PRICKLE2: variants seen among roughly 807,000 people sequenced by gnomAD.
The protein encoded by PRICKLE2 is prickle planar cell polarity protein 2.
PRICKLE2 carries 21 observed loss-of-function variants against 81.4 expected under a neutral mutation model. The observed-to-expected ratio is 0.26, with a 90% CI of 0.18 to 0.37. The LOEUF is 0.37. PRICKLE2 is among the 10% of genes least tolerant of loss of function. The probability of loss-of-function intolerance (pLI) is 1.00; values close to 1 mark genes in which losing one functional copy is unlikely to be tolerated. For missense variants in PRICKLE2, 940 were observed against 1,109.0 expected (o/e 0.85, Z 2.16); for synonymous variants, 456 against 421.5 (o/e 1.08, Z -1.00).
Position 64,093,888 on chromosome 3 carries a change from TG to T in PRICKLE2, c.*5162del. 1 of 152,670 alleles carries T rather than the reference TG, an allele frequency of 6.6e-6. No individual in the cohort carries two copies. Among genetic ancestry groups the T allele is most frequent in the Admixed American group, 6.5e-5 (1 of 15,312 alleles). The allele number at this position is 152,670 out of a possible 1,614,324, so 9.5% of individuals were successfully genotyped here. On this transcript the variant is annotated 3_prime_UTR_variant, in exon 8 of 8. Transcript: ENST00000638394. ...AACATTTCTTTTATTCAAATTTTAT[TG>T]GAAGTTTACAAATGTATTACAGACA...
At chr3:64,237,570 C>T (rs2079201022) in intron 2 of PRICKLE2, among the ~76,000 whole-genome samples, 2 of 152,162 alleles carry the variant, frequency 1.3e-5, no homozygotes, top group African/African-American at 4.8e-5. Context: ...CCCTGCTCCT[C>T]TGCCAGTGGA....
chr3:64,124,632 C>T (rs910042453), intron 7 of PRICKLE2, among the ~76,000 whole-genome samples: 2 of 152,188 alleles, frequency 1.3e-5, no homozygotes, highest in Admixed American at 6.5e-5. Flanking sequence ...AATAATAATG[C>T]TAAGTCCACT....
At chr3:64,241,040 G>C (rs1178963485) in intron 2 of PRICKLE2, among the ~76,000 whole-genome samples, 1 of 152,124 alleles carries the variant, frequency 6.6e-6, no homozygotes, top group Admixed American at 6.5e-5. Flanking sequence ...AGGACCAAGT[G>C]GTATATATGT....
At chr3:64,217,905 A>G (rs1450273713) in intron 1 of PRICKLE2, among the ~76,000 whole-genome samples, 1 of 152,224 alleles carries the variant, frequency 6.6e-6, no homozygotes, top group African/African-American at 2.4e-5. Flanking sequence ...TCAAACTCAG[A>G]TAATGTTCAC....
intron 2 of PRICKLE2, among the ~76,000 whole-genome samples, chr3:64,251,983 C>T (rs1196072743): frequency 6.6e-6 from 1 of 152,116 alleles, no homozygotes; most frequent in African/African-American, 2.4e-5. Context: ...TTGCCATTTG[C>T]ACATAGACAT....
At chr3:64,227,262 G>A (rs1277844845), upstream of PRICKLE2, among the ~76,000 whole-genome samples, 5 of 152,078 alleles carry the variant, frequency 3.3e-5, no homozygotes, top group South Asian at 4.2e-4. Context: ...AGCGTGTAGG[G>A]AGGCAGATGG....
At chr3:64,163,219 A>C in intron 2 of PRICKLE2, 90 bp from the exon 3 acceptor site, 1 of 830,564 alleles carries the variant, frequency 1.2e-6, no homozygotes, top group Non-Finnish European at 2.1e-6. Context: ...CCCCAGCAGG[A>C]TGTAACTGAC....
In PRICKLE2 at chr3:64,220,107, A is replaced by G. The variant is rs193164173; in HGVS notation, c.-41+4803T>C. On this transcript the variant is annotated intron_variant, in intron 1 of 7. Transcript: ENST00000638394. ...CTTCTATATTAACAGTTACCTTAAA[A>G]CCTTACCAGATTTTGTGACCATAGA... 9.9e-4 allele frequency among the ~76,000 whole-genome samples: 151 copies of G among 152,252 alleles called. 1 individual carries two copies. Among genetic ancestry groups the G allele is most frequent in the African/African-American group, 3.4e-3 (141 of 41,532 alleles).
chr3:64,113,023 C>T (rs1480254279), intron 7 of PRICKLE2, among the ~76,000 whole-genome samples: 3 of 152,142 alleles, frequency 2.0e-5, no homozygotes. Context: ...CACTTTTGAA[C>T]AACAACAGCT....
intron 2 of PRICKLE2, among the ~76,000 whole-genome samples, chr3:64,243,690 C>G (rs2079303512): frequency 1.3e-5 from 2 of 152,148 alleles, no homozygotes; most frequent in Non-Finnish European, 2.9e-5. Context: ...AGCAGAGTGC[C>G]TGACACATAG....
At chr3:64,161,129 T>C (rs1411124791) in intron 3 of PRICKLE2, among the ~76,000 whole-genome samples, 2 of 148,938 alleles carry the variant, frequency 1.3e-5, no homozygotes, top group Non-Finnish European at 3.0e-5. Flanking sequence ...TAGAGAGATA[T>C]GAGACACCTG....
chr3:64,165,966 GTGTGTGTGTGTGT>G (rs2077823015), intron 2 of PRICKLE2, among the ~76,000 whole-genome samples: 37 of 121,360 alleles, frequency 3.0e-4, no homozygotes, highest in African/African-American at 7.4e-4. Flanking sequence ...TTATAAAGGT[GTGTGTGTGTGTGT>G]GTGTGTGTGT....
chr3:64,137,732 A>G (rs926524540), intron 7 of PRICKLE2, among the ~76,000 whole-genome samples: 2 of 152,160 alleles, frequency 1.3e-5, no homozygotes, highest in South Asian at 4.1e-4. Flanking sequence ...AAGCAGAAAA[A>G]GAAACGAGGG....
intron 2 of PRICKLE2, among the ~76,000 whole-genome samples, chr3:64,262,722 C>T (rs1430325159): frequency 6.6e-6 from 1 of 151,978 alleles, no homozygotes; most frequent in Non-Finnish European, 1.5e-5. Context: ...TAGAAGGAAG[C>T]AAGAGGAGGG....
intron 2 of PRICKLE2, among the ~76,000 whole-genome samples, chr3:64,166,773 T>G (rs1443744352): frequency 6.6e-6 from 1 of 152,230 alleles, no homozygotes; most frequent in Non-Finnish European, 1.5e-5. Flanking sequence ...GTAGGTGATG[T>G]GGCTTGCTCT....
At chr3:64,124,377 T>C (rs2077075409) in intron 7 of PRICKLE2, among the ~76,000 whole-genome samples, 1 of 152,220 alleles carries the variant, frequency 6.6e-6, no homozygotes, top group Non-Finnish European at 1.5e-5. Flanking sequence ...CTGCAACAAG[T>C]TGTCCAGAAG....
chr3:64,183,715 T>C (rs999809225), intron 2 of PRICKLE2, among the ~76,000 whole-genome samples: 8 of 152,234 alleles, frequency 5.3e-5, no homozygotes, highest in Non-Finnish European at 1.0e-4. Context: ...TTTTACTTTA[T>C]AATGGAAAGA....
rs1317273473 is a variant in PRICKLE2 at position 64,096,150 on chromosome 3, T to C, written c.*2901A>G. ...TCTAACCAAAAGACAAGAAGATCAATATTAGGAGAGGTGGGAAAAATAACA... is the reference window on the plus strand; with the variant it reads ...TCTAACCAAAAGACAAGAAGATCAACATTAGGAGAGGTGGGAAAAATAACA... On this transcript the variant is annotated 3_prime_UTR_variant, in exon 8 of 8. Transcript: ENST00000638394. 7.9e-5 allele frequency: 12 copies of C among 152,018 alleles called. No homozygotes were observed. Among genetic ancestry groups the C allele is most frequent in the Non-Finnish European group, 5.9e-5 (4 of 68,022 alleles). The allele number at this position is 152,018 out of a possible 1,614,324, so 9.4% of individuals were successfully genotyped here.
chr3:64,257,017 TA>T (rs2079534892), intron 2 of PRICKLE2, among the ~76,000 whole-genome samples: 1 of 152,222 alleles, frequency 6.6e-6, no homozygotes. Flanking sequence ...TTGACATGTA[TA>T]AGTTGCCAAC....
Sources: gnomAD v4.1 joint callset for allele counts (sites outside exome capture counted in the v4.1 genomes callset) on GRCh38, gnomAD v4.1.1 for gene constraint, MANE v1.5 for transcripts, NCBI Gene and HGNC (gene_info 2026-07-23, HGNC 2026-07-21) for gene names.